The following IMMP2L variants were observed in gnomAD, a reference collection of about 807,000 sequenced individuals.
The protein encoded by IMMP2L is mitochondrial inner membrane protease subunit 2.
A neutral mutation model predicts 19.3 loss-of-function variants in IMMP2L; 18 were observed. The observed-to-expected ratio is 0.93, with a 90% CI of 0.64 to 1.38. The LOEUF (loss-of-function observed/expected upper bound fraction) is 1.38. Among genes scored for constraint, IMMP2L ranks in the 40% most tolerant of loss-of-function variants. IMMP2L has a pLI of 0.00. For synonymous variants in IMMP2L, 76 were observed against 73.0 expected (o/e 1.04, Z -0.21); for missense variants, 233 against 218.2 (o/e 1.07, Z -0.43).
At chr7:111,355,998 C>T (rs575056095) in intron 3 of IMMP2L, among the ~76,000 whole-genome samples, 5 of 151,874 alleles carry the variant, frequency 3.3e-5, no homozygotes, top group African/African-American at 4.8e-5. Flanking sequence ...AATAATTAAG[C>T]GACATGGGGT....
chr7:110,899,403 A>G (rs1336168545), intron 4 of IMMP2L, among the ~76,000 whole-genome samples: 1 of 152,202 alleles, frequency 6.6e-6, no homozygotes. Context: ...CAGTTTCACA[A>G]GAACAATAGT....
intron 5 of IMMP2L, among the ~76,000 whole-genome samples, chr7:110,733,766 A>T (rs1169744229): frequency 6.6e-6 from 1 of 152,036 alleles, no homozygotes; most frequent in Non-Finnish European, 1.5e-5. Context: ...AAATGGGCCA[A>T]ACAAGGCTGT....
At chr7:110,978,150 A>C (rs1305310120) in intron 3 of IMMP2L, among the ~76,000 whole-genome samples, 1 of 152,048 alleles carries the variant, frequency 6.6e-6, no homozygotes, top group East Asian at 1.9e-4. Context: ...ATTCAGAATA[A>C]GCCACTAGAA....
intron 5 of IMMP2L, among the ~76,000 whole-genome samples, chr7:110,729,954 C>T (rs891832272): frequency 2.0e-5 from 3 of 150,844 alleles, no homozygotes; most frequent in Admixed American, 6.6e-5. Context: ...TAAAAAGCAA[C>T]GCATCTTTTA....
chr7:111,280,677 G>C (rs1819588875), intron 3 of IMMP2L, among the ~76,000 whole-genome samples: 1 of 152,244 alleles, frequency 6.6e-6, no homozygotes, highest in Non-Finnish European at 1.5e-5. Context: ...CAAAAGCACA[G>C]ACTAAAGAAA....
rs577236397 is a variant in IMMP2L at position 110,726,131 on chromosome 7, C to T, written c.409-62410G>A. Among the ~76,000 whole-genome samples the T allele has an allele frequency of 2.0e-5, 3 of 152,298 alleles. No homozygotes were observed. In the South Asian group the frequency reaches 6.2e-4, roughly 32 times the overall value. ...ATAACTCCTATATCAAACTGCCTCTCATATGGAAATTCACCAAGGAAGACC... is the reference window on the plus strand; with the variant it reads ...ATAACTCCTATATCAAACTGCCTCTTATATGGAAATTCACCAAGGAAGACC... On this transcript the variant is annotated intron_variant, in intron 5 of 5. Coordinates refer to ENST00000405709, the MANE Select transcript of IMMP2L (RefSeq NM_032549.4).
chr7:110,722,982 C>T (rs908125161), intron 5 of IMMP2L, among the ~76,000 whole-genome samples: 12 of 152,106 alleles, frequency 7.9e-5, no homozygotes, highest in Admixed American at 7.9e-4. Flanking sequence ...CAGGCAACCA[C>T]GGCAAACTTG....
chr7:110,949,300 T>C (rs1045931368), intron 4 of IMMP2L, among the ~76,000 whole-genome samples: 1 of 152,222 alleles, frequency 6.6e-6, no homozygotes, highest in Admixed American at 6.5e-5. Flanking sequence ...TGTACCCATG[T>C]GGTTTCTAGC....
chr7:111,025,206 G>A (rs1826686738), intron 3 of IMMP2L, among the ~76,000 whole-genome samples: 2 of 152,220 alleles, frequency 1.3e-5, no homozygotes, highest in Middle Eastern at 6.8e-3. Flanking sequence ...GCACCAGGCA[G>A]GTGATGTAAA....
At chr7:111,018,423 C>G (rs1048473458) in intron 3 of IMMP2L, among the ~76,000 whole-genome samples, 3 of 152,152 alleles carry the variant, frequency 2.0e-5, no homozygotes, top group African/African-American at 7.2e-5. Context: ...AAGTAATGCC[C>G]TAAAACACAG....
At chr7:111,472,172 G>T (rs1192742720) in intron 3 of IMMP2L, among the ~76,000 whole-genome samples, 1 of 151,926 alleles carries the variant, frequency 6.6e-6, no homozygotes, top group African/African-American at 2.4e-5. Context: ...GTTTTGTTGT[G>T]TTTTACTTTG....
At chr7:111,023,702 C>T (rs1265366706) in intron 3 of IMMP2L, among the ~76,000 whole-genome samples, 1 of 152,036 alleles carries the variant, frequency 6.6e-6, no homozygotes, top group Non-Finnish European at 1.5e-5. Flanking sequence ...AGCAAAACTC[C>T]ATCTTAAAAC....
chr7:111,340,388 T>TA (rs1001680571), intron 3 of IMMP2L, among the ~76,000 whole-genome samples: 5 of 152,056 alleles, frequency 3.3e-5, no homozygotes, highest in African/African-American at 7.2e-5. Flanking sequence ...TAGTTGTTCT[T>TA]AAAAAACAAA....
chr7:110,921,728 A>G (rs1814309389), intron 4 of IMMP2L, among the ~76,000 whole-genome samples: 1 of 152,198 alleles, frequency 6.6e-6, no homozygotes, highest in Admixed American at 6.5e-5. Context: ...ATCTTGGAAT[A>G]ACAAATGTGC....
chr7:110,730,789 T>G (rs1796223057), intron 5 of IMMP2L, among the ~76,000 whole-genome samples: 1 of 152,140 alleles, frequency 6.6e-6, no homozygotes, highest in Non-Finnish European at 1.5e-5. Flanking sequence ...CCTCCCAAAG[T>G]GCTGGGATTA....
intron 5 of IMMP2L, among the ~76,000 whole-genome samples, chr7:110,777,979 T>G (rs931262308): frequency 6.6e-6 from 1 of 152,002 alleles, no homozygotes; most frequent in African/African-American, 2.4e-5. Flanking sequence ...TCCTTTTTAC[T>G]GAAACACCCA....
intron 3 of IMMP2L, among the ~76,000 whole-genome samples, chr7:111,486,069 C>T (rs1295481135): frequency 2.6e-5 from 4 of 152,116 alleles, no homozygotes; most frequent in East Asian, 3.9e-4. Context: ...AAATAGTACT[C>T]GGAATGACAA....
At chr7:111,023,943 C>T (rs1160898188) in intron 3 of IMMP2L, among the ~76,000 whole-genome samples, 1 of 152,022 alleles carries the variant, frequency 6.6e-6, no homozygotes, top group African/African-American at 2.4e-5. Flanking sequence ...GGTGAATAGT[C>T]CAGTATATAT....
At chr7:111,384,865 A>C (rs189235481) in intron 3 of IMMP2L, among the ~76,000 whole-genome samples, 1 of 152,198 alleles carries the variant, frequency 6.6e-6, no homozygotes, top group Admixed American at 6.5e-5. Flanking sequence ...AAATTGTACT[A>C]AATTTAGAAT....
Sources: allele counts gnomAD v4.1 joint callset (sites outside exome capture counted in the v4.1 genomes callset), GRCh38; gene constraint gnomAD v4.1.1; transcripts MANE v1.5; gene names NCBI Gene and HGNC (gene_info 2026-07-23, HGNC 2026-07-21).